PLXDC2: variants seen among roughly 807,000 people sequenced by gnomAD.
PLXDC2 encodes plexin domain containing 2, also known as plexin domain-containing protein 2.
A neutral mutation model predicts 68.9 loss-of-function variants in PLXDC2; 40 were observed. The ratio of observed to expected loss-of-function variants is 0.58; its 90% CI spans 0.45 to 0.76. PLXDC2 has a LOEUF of 0.76. PLXDC2 is among the 30% of genes least tolerant of loss of function. The pLI is 0.00. For synonymous variants in PLXDC2, 243 were observed against 234.2 expected, an observed-to-expected ratio of 1.04 and a Z score of -0.34; for missense variants, 644 against 661.9, an observed-to-expected ratio of 0.97 and a Z score of 0.30.
intron 1 of PLXDC2, among the ~76,000 whole-genome samples, chr10:19,958,352 T>C (rs897186963): frequency 2.0e-5 from 3 of 152,148 alleles, no homozygotes; most frequent in Non-Finnish European, 4.4e-5. Context: ...CTTTCTGAAC[T>C]GAGAGAAATT....
At chr10:20,084,939 C>T (rs1429306322) in intron 4 of PLXDC2, among the ~76,000 whole-genome samples, 3 of 151,684 alleles carry the variant, frequency 2.0e-5, no homozygotes, top group Non-Finnish European at 4.4e-5. Context: ...ATCGAGAAAG[C>T]TGTACCTTTT....
chr10:20,235,114 C>T (rs145468243), intron 12 of PLXDC2, among the ~76,000 whole-genome samples: 2 of 152,252 alleles, frequency 1.3e-5, no homozygotes, highest in Non-Finnish European at 2.9e-5. Context: ...TCCAAGCTAC[C>T]GTTTGGGACA....
Position 20,278,856 on chromosome 10 carries a change from G to A in PLXDC2, c.1474-847G>A, listed in dbSNP as rs187330335. Among the ~76,000 whole-genome samples, 81 of 152,292 alleles carry A rather than the reference G, an allele frequency of 5.3e-4. 1 individual carries two copies. The Middle Eastern group carries it at 0.014, about 26-fold the overall frequency. Reference sequence around the variant, plus strand: ...AATTGCAGGCACTTTGAAAAATGGAGTAATAGTTTCTAGTGTCACTATGGC... The same window carrying A: ...AATTGCAGGCACTTTGAAAAATGGAATAATAGTTTCTAGTGTCACTATGGC... On this transcript the variant is annotated intron_variant, in intron 13 of 13. Coordinates refer to ENST00000377252, the MANE Select transcript of PLXDC2 (RefSeq NM_032812.9).
intron 1 of PLXDC2, among the ~76,000 whole-genome samples, chr10:19,974,271 A>C (rs999981071): frequency 6.6e-6 from 1 of 152,252 alleles, no homozygotes; most frequent in Admixed American, 6.5e-5. Context: ...TAGTTCCACA[A>C]TCTTCAACAA....
intron 12 of PLXDC2, among the ~76,000 whole-genome samples, chr10:20,222,436 C>A (rs951234785): frequency 1.3e-5 from 2 of 152,164 alleles, no homozygotes; most frequent in African/African-American, 2.4e-5. Flanking sequence ...CTTGATGAAT[C>A]TTCAATTGTG....
chr10:20,279,628 G>A, intron 13 of PLXDC2, 75 bp from the exon 14 acceptor site: 1 of 1,089,556 alleles, frequency 9.2e-7, no homozygotes, highest in Non-Finnish European at 1.4e-6. Context: ...ATCTAAAATA[G>A]CTAGCAAATA....
chr10:20,257,997 CTTTT>C (rs550997528), intron 13 of PLXDC2, among the ~76,000 whole-genome samples: 911 of 84,256 alleles, frequency 0.011, 9 homozygotes, highest in African/African-American at 0.037. Flanking sequence ...TTTTTTCTTT[CTTTT>C]TTTTTTTTTT....
intron 1 of PLXDC2, among the ~76,000 whole-genome samples, chr10:19,886,301 CAG>C: frequency 6.6e-6 from 1 of 152,264 alleles, no homozygotes; most frequent in East Asian, 1.9e-4. Context: ...CGTCTGCAAA[CAG>C]GGACAATTTG....
chr10:19,897,765 A>G (rs921278367), intron 1 of PLXDC2, among the ~76,000 whole-genome samples: 7 of 152,192 alleles, frequency 4.6e-5, no homozygotes, highest in Non-Finnish European at 8.8e-5. Context: ...CCTTGGAGCC[A>G]GTTAGTTACA....
intron 1 of PLXDC2, among the ~76,000 whole-genome samples, chr10:19,881,221 T>G (rs553762067): frequency 5.3e-5 from 8 of 152,280 alleles, no homozygotes; most frequent in Admixed American, 2.6e-4. Context: ...GTTCAATAGA[T>G]TCCCCTGCCT....
At chr10:19,857,674 G>A (rs1371415418) in intron 1 of PLXDC2, among the ~76,000 whole-genome samples, 1 of 152,180 alleles carries the variant, frequency 6.6e-6, no homozygotes, top group Non-Finnish European at 1.5e-5. Context: ...TCATGGCGCA[G>A]AGTTCAAATA....
chr10:20,085,493 A>G (rs1833179593), intron 4 of PLXDC2, among the ~76,000 whole-genome samples: 1 of 152,218 alleles, frequency 6.6e-6, no homozygotes, highest in Non-Finnish European at 1.5e-5. Flanking sequence ...CTGAATTTGC[A>G]TAGCATCCAC....
intron 1 of PLXDC2, among the ~76,000 whole-genome samples, chr10:19,862,153 G>C (rs1028950390): frequency 2.0e-5 from 3 of 152,290 alleles, no homozygotes; most frequent in Non-Finnish European, 4.4e-5. Context: ...TGAATTATAT[G>C]TATAGCCGTA....
intron 9 of PLXDC2, among the ~76,000 whole-genome samples, chr10:20,210,365 A>G (rs1016826325): frequency 6.6e-6 from 1 of 152,180 alleles, no homozygotes; most frequent in African/African-American, 2.4e-5. Context: ...TTCAGACCAT[A>G]GTTAACCATG....
intron 1 of PLXDC2, among the ~76,000 whole-genome samples, chr10:19,984,789 C>T (rs886871849): frequency 1.3e-5 from 2 of 152,012 alleles, no homozygotes; most frequent in Non-Finnish European, 2.9e-5. Context: ...CTTTGTGAAG[C>T]GTGTAGGTTT....
intron 1 of PLXDC2, among the ~76,000 whole-genome samples, 193 bp from the exon 2 acceptor site, chr10:20,001,582 G>A (rs878990185): frequency 1.3e-5 from 2 of 152,132 alleles, no homozygotes; most frequent in Non-Finnish European, 2.9e-5. Context: ...AACTCCTGGT[G>A]TTTCCTGCAA....
intron 1 of PLXDC2, among the ~76,000 whole-genome samples, chr10:19,973,322 GTATACATATA>G: frequency 7.1e-6 from 1 of 141,660 alleles, no homozygotes; most frequent in South Asian, 2.2e-4. Context: ...ACATATATAT[GTATACATATA>G]TATGTGTATA....
intron 12 of PLXDC2, among the ~76,000 whole-genome samples, chr10:20,224,522 A>G (rs1400689669): frequency 1.3e-5 from 2 of 152,180 alleles, no homozygotes; most frequent in Non-Finnish European, 2.9e-5. Flanking sequence ...CTAAATAGAA[A>G]TGTAGATGTC....
intron 1 of PLXDC2, among the ~76,000 whole-genome samples, chr10:19,932,664 T>C (rs557249364): frequency 1.3e-5 from 2 of 152,334 alleles, no homozygotes; most frequent in East Asian, 3.9e-4. Context: ...GACTTTTAAG[T>C]AAATCATAAT....
Sources: gnomAD v4.1 joint callset for allele counts (sites outside exome capture counted in the v4.1 genomes callset) on GRCh38, gnomAD v4.1.1 for gene constraint, MANE v1.5 for transcripts, NCBI Gene and HGNC (gene_info 2026-07-23, HGNC 2026-07-21) for gene names.